ATP5F1C: variants seen among roughly 807,000 people sequenced by gnomAD.
ATP5F1C encodes the protein ATP synthase F1 subunit gamma, also known as ATP synthase F(1) complex subunit gamma, mitochondrial.
In ATP5F1C, 22 loss-of-function variants were observed where a neutral mutation model predicts 37.4. The observed-to-expected ratio is 0.59, with a 90% CI of 0.42 to 0.84. ATP5F1C has a LOEUF of 0.84. Ranked by LOEUF, ATP5F1C falls within the 40% of genes least tolerant of loss-of-function variation. The pLI, the probability that ATP5F1C is intolerant of heterozygous loss-of-function variation, is 0.00. For synonymous variants in ATP5F1C, 121 were observed against 128.0 expected (o/e 0.95, Z 0.37); for missense variants, 286 against 362.4 (o/e 0.79, Z 1.71).
chr10:7,790,892 A>G (rs934734453), intron 1 of ATP5F1C, among the ~76,000 whole-genome samples: 20 of 152,240 alleles, frequency 1.3e-4, no homozygotes, highest in African/African-American at 4.1e-4. Flanking sequence ...AATGGGGGAA[A>G]TGCTGATAGG....
At position 7,802,440 on chromosome 10, in the gene ATP5F1C, T is replaced by G. The variant is rs1395409134; in HGVS notation, c.793+15T>G. ...CAAGAATGCTTGTAAGTACACAGTA[T>G]GGACAGTGCCAGCAGGAGTGCTTGT... On this transcript the variant is annotated intron_variant, in intron 7 of 9. Transcript: ENST00000356708. The G allele has an allele frequency of 6.2e-7, 1 of 1,604,428 alleles. No homozygotes were observed. The highest frequency in any genetic ancestry group is 1.3e-5 in the African/African-American group (1 of 74,736).
chr10:7,806,684 T>C (rs1836489217), intron 8 of ATP5F1C, among the ~76,000 whole-genome samples: 1 of 152,082 alleles, frequency 6.6e-6, no homozygotes, highest in African/African-American at 2.4e-5. Context: ...AAATATATTG[T>C]GTTAATTTAT....
intron 8 of ATP5F1C, among the ~76,000 whole-genome samples, chr10:7,805,762 A>G (rs1357384479): frequency 6.6e-6 from 1 of 151,674 alleles, no homozygotes; most frequent in Non-Finnish European, 1.5e-5. Flanking sequence ...AAAAAAAAAA[A>G]AAAAAAAGAA....
chr10:7,799,672 A>G (rs1020075503), intron 4 of ATP5F1C, 100 bp from the exon 5 acceptor site: 1 of 1,403,372 alleles, frequency 7.1e-7, no homozygotes, highest in Non-Finnish European at 9.7e-7. Flanking sequence ...ACCCCAAAAG[A>G]CCTGATCCAT....
At chr10:7,796,561 T>C (rs941197512) in intron 2 of ATP5F1C, 2 of 159,792 alleles carry the variant, frequency 1.3e-5, no homozygotes, top group African/African-American at 4.8e-5. Context: ...GTAGCTAGTT[T>C]TGCCTTCCTT....
Position 7,807,738 on chromosome 10 carries a change from T to C in ATP5F1C, c.*110T>C, listed in dbSNP as rs371291701. On this transcript the variant is annotated 3_prime_UTR_variant, in exon 10 of 10. Coordinates refer to ENST00000356708, the MANE Select transcript of ATP5F1C (RefSeq NM_001001973.3). Reference sequence around the variant, plus strand: ...GTCCGAAGAAACTGTTCCTCCATTATTTGAATTACTGAAGACAGCAAGATA... The same window carrying C: ...GTCCGAAGAAACTGTTCCTCCATTACTTGAATTACTGAAGACAGCAAGATA... 2.8e-4 allele frequency: 418 copies of C among 1,484,318 alleles called. No individual in the cohort carries two copies. In the African/African-American group the frequency reaches 4.8e-3, roughly 17 times the overall value. The allele number at this position is 1,484,318 out of a possible 1,614,324, so 91.9% of individuals were successfully genotyped here.
In ATP5F1C at chr10:7,807,664, GA is replaced by G. The variant is rs767432800; in HGVS notation, c.*38del. ...TTCTGTACTTTGTTTTTCAGGTAAA[GA>G]AGGAAAATTCAGCCAGTTGATTTTG... On this transcript the variant is annotated 3_prime_UTR_variant, in exon 10 of 10. Transcript: ENST00000356708. 3 of 1,607,396 alleles carry G rather than the reference GA, an allele frequency of 1.9e-6. No homozygotes were observed. In the East Asian group the frequency reaches 6.7e-5, roughly 36 times the overall value.
At chr10:7,802,223 T>C in intron 6 of ATP5F1C, 47 bp from the exon 7 acceptor site, 1 of 1,546,400 alleles carries the variant, frequency 6.5e-7, no homozygotes, top group Non-Finnish European at 8.7e-7. Context: ...GATGAATTAC[T>C]ATTCCTTCCA....
intron 8 of ATP5F1C, among the ~76,000 whole-genome samples, chr10:7,805,333 G>A (rs1007825051): frequency 6.6e-6 from 1 of 152,202 alleles, no homozygotes. Context: ...AGGTTTGTGG[G>A]CTGTGTGAGA....
rs749399874 is a variant in ATP5F1C, at chr10:7,799,849, T to C, written c.506T>C (p.Ile169Thr). The part of the protein sequence containing the change: ...KPPTFGDASV[I>T]ALELLNSGYE... ...CCCACTTTTGGAGATGCGTCAGTCATTGCCCTTGAATTACTAAATTCTGGA... is the reference window on the plus strand; with the variant it reads ...CCCACTTTTGGAGATGCGTCAGTCACTGCCCTTGAATTACTAAATTCTGGA... Residue 169 changes from isoleucine to threonine, a missense_variant, in exon 5 of 10, where the codon ATT becomes ACT. Ile to Thr is a moderately conservative substitution (Grantham distance 89). Transcript: ENST00000356708. The C allele has an allele frequency of 1.9e-6, 3 of 1,614,238 alleles. No individual in the cohort carries two copies. The East Asian group carries it at 6.7e-5, about 36-fold the overall frequency.
At chr10:7,798,600 G>C (rs1282537475) in intron 3 of ATP5F1C, among the ~76,000 whole-genome samples, 1 of 152,210 alleles carries the variant, frequency 6.6e-6, no homozygotes, top group Non-Finnish European at 1.5e-5. Flanking sequence ...AGTAGAGACG[G>C]GGTTTCACCG....
chr10:7,791,070 G>A (rs999863904), intron 1 of ATP5F1C, among the ~76,000 whole-genome samples: 5 of 152,182 alleles, frequency 3.3e-5, no homozygotes, highest in Non-Finnish European at 7.3e-5. Context: ...GAGAGGCCGA[G>A]GCGGGCGGAT....
At chr10:7,788,546 G>C (rs1314962070) in intron 1 of ATP5F1C, among the ~76,000 whole-genome samples, 2 of 152,336 alleles carry the variant, frequency 1.3e-5, no homozygotes, top group East Asian at 3.9e-4. Flanking sequence ...CCAAATTGAC[G>C]TCTGGGCGGT....
chr10:7,789,219 G>A (rs1463929603), intron 1 of ATP5F1C, among the ~76,000 whole-genome samples: 2 of 152,138 alleles, frequency 1.3e-5, no homozygotes, highest in Non-Finnish European at 2.9e-5. Flanking sequence ...AGGCTGTGTC[G>A]TAGCAATTCC....
intron 1 of ATP5F1C, 32 bp downstream of exon 1, chr10:7,788,295 C>T (rs1189609289): frequency 1.9e-6 from 3 of 1,609,618 alleles, no homozygotes; most frequent in Non-Finnish European, 1.7e-6. Flanking sequence ...TCGGCAGGAC[C>T]GCAAGGGATG....
At chr10:7,805,463 C>A (rs192575570) in intron 8 of ATP5F1C, among the ~76,000 whole-genome samples, 1 of 152,168 alleles carries the variant, frequency 6.6e-6, no homozygotes, top group East Asian at 1.9e-4. Context: ...ATGCAGGAAA[C>A]CTGGCCGGGC....
At chr10:7,795,479 T>G (rs1371119243) in intron 1 of ATP5F1C, among the ~76,000 whole-genome samples, 4 of 152,204 alleles carry the variant, frequency 2.6e-5, no homozygotes, top group Non-Finnish European at 5.9e-5. Flanking sequence ...TTCTGCACAT[T>G]AGCATTTCAA....
chr10:7,802,959 A>C, intron 8 of ATP5F1C, 105 bp downstream of exon 8: 1 of 884,728 alleles, frequency 1.1e-6, no homozygotes. Context: ...TGAAGTTGAA[A>C]CTCATTGCTG....
chr10:7,807,763 A>G lies in ATP5F1C; in HGVS notation c.*135A>G, dbSNP rs1246155268. 6 of 1,281,606 alleles carry G rather than the reference A, an allele frequency of 4.7e-6. No individual in the cohort carries two copies. The highest frequency in any genetic ancestry group is 5.4e-6 in the Non-Finnish European group (5 of 923,742). The allele number at this position is 1,281,606 out of a possible 1,614,324, so 79.4% of individuals were successfully genotyped here. On this transcript the variant is annotated 3_prime_UTR_variant, in exon 10 of 10. Transcript: ENST00000356708. ...TTTGAATTACTGAAGACAGCAAGAT[A>G]TTTGTAAATTATCTTAAAATAAACA... is the stretch of plus-strand genomic sequence containing the variant.
Sources: gnomAD v4.1 joint callset for allele counts (sites outside exome capture counted in the v4.1 genomes callset) on GRCh38, gnomAD v4.1.1 for gene constraint, MANE v1.5 for transcripts, NCBI Gene and HGNC (gene_info 2026-07-23, HGNC 2026-07-21) for gene names.